Variants in RPL9 observed in about 807,000 individuals in gnomAD.
RPL9 encodes the protein ribosomal protein L9, also known as large ribosomal subunit protein uL6.
For synonymous variants in RPL9, 82 were observed against 77.1 expected (o/e 1.06, Z -0.33); for missense variants, 149 against 236.7 (o/e 0.63, Z 2.43).
chr4:39,456,790 C>T (rs1303905932), intron 4 of RPL9: 1 of 425,720 alleles, frequency 2.3e-6, no homozygotes, highest in East Asian at 4.6e-5. Flanking sequence ...TTAATGAGAA[C>T]CCCAAAGCCC....
Position 39,454,571 on chromosome 4 carries a change from T to G in RPL9, c.551A>C (p.Lys184Thr), listed in dbSNP as rs1468779695. ...TTCATCAGCCTGCTGAACAGTTCCT[T>G]TTTCAGAGACATAGATACCATCCAA... Reference protein sequence around the residue: ...KFLDGIYVSEKGTVQQADE With the variant: ...KFLDGIYVSETGTVQQADE Residue 184 changes from lysine (K) to threonine (T), a missense_variant, in exon 7 of 8, where the codon AAA (lysine) becomes ACA (threonine). Coordinates refer to ENST00000295955, the MANE Select transcript of RPL9 (RefSeq NM_000661.5). The G allele has an allele frequency of 2.5e-6, 4 of 1,612,860 alleles. No homozygotes were observed. The East Asian group carries it at 8.9e-5, about 36-fold the overall frequency.
At chr4:39,455,720 A>C (rs1384097561) in intron 5 of RPL9, 1 of 153,892 alleles carries the variant, frequency 6.5e-6, no homozygotes, top group African/African-American at 2.4e-5. Context: ...CAATGAGCTG[A>C]GATCACGCCA....
At chr4:39,458,695 G>T in intron 1 of RPL9, 196 bp downstream of exon 1, 1 of 626,212 alleles carries the variant, frequency 1.6e-6, no homozygotes, top group Non-Finnish European at 2.8e-6. Context: ...GTGCCATCCC[G>T]GCAAGACTGA....
chr4:39,458,552 G>A, intron 1 of RPL9, 112 bp from the exon 2 acceptor site: 1 of 1,154,664 alleles, frequency 8.7e-7, no homozygotes, highest in East Asian at 2.4e-5. Flanking sequence ...TTCCAGACAA[G>A]ATGTCGGAGG....
At position 39,458,897 on chromosome 4, in the gene RPL9, G is replaced by C. The variant is rs750405548; in HGVS notation, c.-8C>G. The C allele has an allele frequency of 7.1e-6, 5 of 704,220 alleles. No homozygotes were observed. The highest frequency in any genetic ancestry group is 1.5e-5 in the South Asian group (1 of 67,070). 43.6% of individuals were successfully genotyped at this position (704,220 alleles called of 1,614,324 possible). ...AGCACAGAAACATCCTTACCTCGCA[G>C]TAGACGCAGCAAAGAAAGAACGTCT... On this transcript the variant is annotated 5_prime_UTR_variant, in exon 1 of 8. Transcript: ENST00000295955.
In RPL9 at chr4:39,454,617, T is replaced by C; in HGVS notation, c.505A>G (p.Asn169Asp). The change falls in exon 7 of 8, where the codon AAC becomes GAC. Residue 169 changes from asparagine (N) to aspartate (D), a missense_variant. By Grantham distance (23) the Asn-to-Asp change is conservative. Transcript: ENST00000295955. Reference protein sequence around the residue: ...ALIQQATTVKNKDIRKFLDGI... With the variant: ...ALIQQATTVKDKDIRKFLDGI... ...TCCAAAAATTTCCTGATATCCTTGT[T>C]TTTAACTGTTGTGGCTTGCTGAATC... The C allele has an allele frequency of 6.2e-7, 1 of 1,613,400 alleles. No individual in the cohort carries two copies. Among genetic ancestry groups the C allele is most frequent in the Non-Finnish European group, 8.5e-7 (1 of 1,179,694 alleles).
At chr4:39,458,359 G>C in intron 2 of RPL9, 35 bp downstream of exon 2, 1 of 1,613,952 alleles carries the variant, frequency 6.2e-7, no homozygotes, top group Non-Finnish European at 8.5e-7. Context: ...GGAACGTGCA[G>C]TAAAGATGTA....
intron 5 of RPL9, 171 bp downstream of exon 5, chr4:39,456,235 A>G: frequency 1.5e-6 from 1 of 684,986 alleles, no homozygotes; most frequent in Non-Finnish European, 2.5e-6. Context: ...TAAACCCTTA[A>G]GTAGCACCAA....
chr4:39,458,628 A>G, intron 1 of RPL9, 188 bp from the exon 2 acceptor site: 1 of 640,000 alleles, frequency 1.6e-6, no homozygotes, highest in Non-Finnish European at 2.7e-6. Context: ...AGCGAGAATT[A>G]CGAGGCCCAG....
chr4:39,457,219 G>A (rs890126942), intron 4 of RPL9: 1 of 170,222 alleles, frequency 5.9e-6, no homozygotes, highest in African/African-American at 2.4e-5. Flanking sequence ...TTCATCATTA[G>A]CCTACTTTTT....
chr4:39,455,409 G>A (rs1744047858), intron 5 of RPL9: 1 of 154,588 alleles, frequency 6.5e-6, no homozygotes, highest in African/African-American at 2.4e-5. Flanking sequence ...CACCCCAATG[G>A]AATCAAAATG....
At chr4:39,456,163 A>G (rs1744077064) in intron 5 of RPL9, 1 of 517,668 alleles carries the variant, frequency 1.9e-6, no homozygotes, top group African/African-American at 1.9e-5. Context: ...AGTTAAATAC[A>G]ACCACCACTG....
chr4:39,455,323 A>C (rs551103552), intron 5 of RPL9: 103 of 165,238 alleles, frequency 6.2e-4, no homozygotes, highest in Admixed American at 1.1e-3. Context: ...AATGTTGCTG[A>C]CCATAGCTAG....
chr4:39,457,992 A>G, intron 3 of RPL9: 1 of 702,412 alleles, frequency 1.4e-6, no homozygotes, highest in Admixed American at 2.0e-5. Flanking sequence ...ACTGATGACC[A>G]CTATTACATT....
chr4:39,458,667 G>C, intron 1 of RPL9: 1 of 623,856 alleles, frequency 1.6e-6, no homozygotes, highest in South Asian at 1.9e-5. Context: ...GCCCAACCCT[G>C]GAAGTCCTAT....
intron 5 of RPL9, 54 bp downstream of exon 5, chr4:39,456,352 G>A (rs1744084697): frequency 1.2e-6 from 2 of 1,607,046 alleles, no homozygotes; most frequent in Non-Finnish European, 1.7e-6. Flanking sequence ...TGGAAAAGGA[G>A]GAAAAAAATA....
At chr4:39,456,593 T>A in intron 4 of RPL9, 55 bp from the exon 5 acceptor site, 1 of 1,571,148 alleles carries the variant, frequency 6.4e-7, no homozygotes, top group Non-Finnish European at 8.6e-7. Flanking sequence ...TTTTTAATAG[T>A]TTTAAAATTT....
chr4:39,454,919 G>A lies in RPL9; in HGVS notation c.417C>T (p.Ala139=), dbSNP rs764453574. 9.3e-6 allele frequency: 15 copies of A among 1,613,884 alleles called. No homozygotes were observed. In the South Asian group the frequency reaches 1.6e-4, roughly 18 times the overall value. The change falls in exon 6 of 8, where the codon GCC becomes GCT. Residue 139 remains alanine, a synonymous_variant. Coordinates refer to ENST00000295955, the MANE Select transcript of RPL9 (RefSeq NM_000661.5). ...RPGVACSVSQ[A]QKDELILEGN... is the part of the protein sequence containing the mutation. ...CTTCAAGGATTAATTCATCTTTCTG[G>A]GCTTGAGATACTGAACAAGCAACAC...
In RPL9 at chr4:39,456,709, G is replaced by A. The variant is rs1411066497; in HGVS notation, c.259-171C>T. 3 of 706,736 alleles carry A rather than the reference G, an allele frequency of 4.2e-6. No individual in the cohort carries two copies. The African/African-American group carries it at 5.4e-5, about 13-fold the overall frequency. The allele number at this position is 706,736 out of a possible 1,614,324, so 43.8% of individuals were successfully genotyped here. ...TAAACATTGTTCTGTCTATTCAGTG[G>A]ACTGTAAAGCTCCTTGCGGAGGCTT... On this transcript the variant is annotated intron_variant, in intron 4 of 7. Coordinates refer to ENST00000295955, the MANE Select transcript of RPL9 (RefSeq NM_000661.5).
Sources: allele counts gnomAD v4.1 joint callset, GRCh38; gene constraint gnomAD v4.1.1; transcripts MANE v1.5; gene names NCBI Gene and HGNC (gene_info 2026-07-23, HGNC 2026-07-21).